Variants in CWF19L2 observed in about 807,000 individuals in gnomAD.
The protein encoded by CWF19L2 is CWF19 like cell cycle control factor 2.
A neutral mutation model predicts 111.7 loss-of-function variants in CWF19L2; 98 were observed. The ratio of observed to expected loss-of-function variants is 0.88; its 90% CI spans 0.75 to 1.04. The LOEUF is 1.04. CWF19L2 is among the 50% of genes least tolerant of loss of function. The pLI, the probability that CWF19L2 is intolerant of heterozygous loss-of-function variation, is 0.00. For missense variants in CWF19L2, 1,101 were observed against 1,051.4 expected (o/e 1.05, Z -0.65); for synonymous variants, 351 against 342.9 (o/e 1.02, Z -0.26).
At chr11:107,363,100 A>T (rs1193310323) in intron 12 of CWF19L2, among the ~76,000 whole-genome samples, 5 of 152,164 alleles carry the variant, frequency 3.3e-5, no homozygotes, top group Non-Finnish European at 7.3e-5. Context: ...GAATGAAATG[A>T]AGCGAGAAGG....
chr11:107,427,938 G>A (rs544961047), intron 8 of CWF19L2, among the ~76,000 whole-genome samples: 5 of 152,106 alleles, frequency 3.3e-5, no homozygotes, highest in Non-Finnish European at 7.4e-5. Flanking sequence ...ATTAACAAAA[G>A]TGATTTATCA....
chr11:107,367,596 A>G lies in CWF19L2; in HGVS notation c.1873-13860T>C, dbSNP rs970732287. 1.1e-3 allele frequency among the ~76,000 whole-genome samples: 138 copies of G among 124,874 alleles called. 28 individuals carry two copies. Among genetic ancestry groups the G allele is most frequent in the African/African-American group, 4.5e-3 (135 of 30,062 alleles). 81.9% of individuals were successfully genotyped at this position (124,874 alleles called of 152,430 possible). On this transcript the variant is annotated intron_variant, in intron 12 of 17. Transcript: ENST00000282251. ...GCAAGAACAAAAAACCAAACACCGCATATTCTCACTCATAGGTGGGAATTG... is the reference window on the plus strand; with the variant it reads ...GCAAGAACAAAAAACCAAACACCGCGTATTCTCACTCATAGGTGGGAATTG...
intron 17 of CWF19L2, among the ~76,000 whole-genome samples, chr11:107,327,671 C>A (rs1859780923): frequency 6.6e-6 from 1 of 152,096 alleles, no homozygotes; most frequent in Admixed American, 6.5e-5. Context: ...TTCTTGATTT[C>A]CTTCATGATC....
At chr11:107,336,223 T>G (rs529129637) in intron 15 of CWF19L2, among the ~76,000 whole-genome samples, 1 of 151,116 alleles carries the variant, frequency 6.6e-6, no homozygotes, top group Non-Finnish European at 1.5e-5. Context: ...CACAGCTTAC[T>G]GCAACCTCCG....
chr11:107,406,093 C>T (rs1050053575), intron 10 of CWF19L2, among the ~76,000 whole-genome samples: 4 of 152,152 alleles, frequency 2.6e-5, no homozygotes, highest in Non-Finnish European at 5.9e-5. Flanking sequence ...CCTAGCACTA[C>T]TTGTATGTAA....
intron 14 of CWF19L2, among the ~76,000 whole-genome samples, chr11:107,344,895 G>A (rs1036118761): frequency 2.6e-5 from 4 of 152,100 alleles, no homozygotes; most frequent in Non-Finnish European, 5.9e-5. Context: ...TGCCATATGG[G>A]GATAGAAGTT....
chr11:107,428,343 C>T (rs559026223), intron 8 of CWF19L2, among the ~76,000 whole-genome samples: 2 of 152,164 alleles, frequency 1.3e-5, no homozygotes, highest in East Asian at 3.9e-4. Context: ...AGATCTCTGG[C>T]ATGTATTTGT....
At chr11:107,416,322 AT>A (rs1861226097) in intron 9 of CWF19L2, 24 bp from the exon 10 acceptor site, 1 of 997,276 alleles carries the variant, frequency 1.0e-6, no homozygotes, top group African/African-American at 1.7e-5. Context: ...AACAAGTAAA[AT>A]ATGTGCGATA....
chr11:107,411,977 T>C (rs1591189728), intron 10 of CWF19L2, among the ~76,000 whole-genome samples: 1 of 152,318 alleles, frequency 6.6e-6, no homozygotes, highest in East Asian at 1.9e-4. Flanking sequence ...CCCATGAAGC[T>C]TGTGCTACCA....
intron 3 of CWF19L2, among the ~76,000 whole-genome samples, chr11:107,444,596 C>A (rs1024329658): frequency 2.0e-5 from 3 of 152,170 alleles, no homozygotes; most frequent in Non-Finnish European, 4.4e-5. Flanking sequence ...GCCTGAACTA[C>A]AATAAATTGT....
At chr11:107,389,594 G>GT (rs1705010363) in intron 12 of CWF19L2, among the ~76,000 whole-genome samples, 1 of 152,170 alleles carries the variant, frequency 6.6e-6, no homozygotes, top group African/African-American at 2.4e-5. Flanking sequence ...CCATAATGAC[G>GT]TGTTAAAATA....
At chr11:107,381,836 C>A (rs1860690815) in intron 12 of CWF19L2, among the ~76,000 whole-genome samples, 1 of 152,096 alleles carries the variant, frequency 6.6e-6, no homozygotes, top group South Asian at 2.1e-4. Context: ...TTAAGTGTTA[C>A]AAACAAGAGA....
chr11:107,451,433 C>A (rs959816728), intron 3 of CWF19L2, among the ~76,000 whole-genome samples: 1 of 151,142 alleles, frequency 6.6e-6, no homozygotes, highest in Admixed American at 6.6e-5. Flanking sequence ...ACAAAGTATT[C>A]GCAAAGAATA....
intron 4 of CWF19L2, 118 bp downstream of exon 4, chr11:107,442,821 G>GGGA: frequency 4.5e-6 from 2 of 443,410 alleles, no homozygotes; most frequent in South Asian, 2.6e-5. Flanking sequence ...GGAGGGAGGG[G>GGGA]GAGGGAGGGA....
At chr11:107,392,718 G>T in intron 11 of CWF19L2, 61 bp downstream of exon 11, 1 of 966,514 alleles carries the variant, frequency 1.0e-6, no homozygotes, top group Admixed American at 2.7e-5. Context: ...CTGATACAAA[G>T]AAAGCCCCAA....
chr11:107,355,644 T>C (rs1001312314), intron 12 of CWF19L2, among the ~76,000 whole-genome samples: 1 of 152,164 alleles, frequency 6.6e-6, no homozygotes, highest in African/African-American at 2.4e-5. Flanking sequence ...GGACACAACA[T>C]TCTGTAGATT....
intron 12 of CWF19L2, among the ~76,000 whole-genome samples, chr11:107,369,733 T>C (rs1384402521): frequency 7.2e-6 from 1 of 138,290 alleles, no homozygotes; most frequent in Non-Finnish European, 1.6e-5. Context: ...CAAGAAATTA[T>C]TTTTCAAAGT....
chr11:107,381,585 T>G (rs952523403), intron 12 of CWF19L2, among the ~76,000 whole-genome samples: 1 of 152,204 alleles, frequency 6.6e-6, no homozygotes, highest in Non-Finnish European at 1.5e-5. Flanking sequence ...AATTTCACTG[T>G]GTATCTATTA....
At chr11:107,343,095 T>C (rs551057450) in intron 14 of CWF19L2, among the ~76,000 whole-genome samples, 48 of 152,310 alleles carry the variant, frequency 3.2e-4, no homozygotes, top group Admixed American at 1.4e-3. Context: ...TAAGGCACCA[T>C]CTCTGTGGCA....
Sources: allele counts gnomAD v4.1 joint callset (sites outside exome capture counted in the v4.1 genomes callset), GRCh38; gene constraint gnomAD v4.1.1; transcripts MANE v1.5; gene names NCBI Gene and HGNC (gene_info 2026-07-23, HGNC 2026-07-21).